Variants in CUL1 observed in about 807,000 individuals in gnomAD.
The protein encoded by CUL1 is cullin-1.
Under a neutral mutation model 118.0 loss-of-function variants are expected in CUL1, and 24 were observed. The observed-to-expected ratio is 0.20, with a 90% CI of 0.15 to 0.29. The LOEUF is 0.29. Ranked by LOEUF, CUL1 falls within the 10% of genes least tolerant of loss-of-function variation. The pLI is 1.00. For missense variants in CUL1, 361 were observed against 933.8 expected, an observed-to-expected ratio of 0.39 and a Z score of 7.99; for synonymous variants, 332 against 340.4, an observed-to-expected ratio of 0.98 and a Z score of 0.27.
At chr7:148,777,206 C>T (rs1446695961) in intron 9 of CUL1, among the ~76,000 whole-genome samples, 2 of 152,154 alleles carry the variant, frequency 1.3e-5, no homozygotes, top group African/African-American at 4.8e-5. Context: ...AGTTATGGTG[C>T]TGGGATCAGG....
chr7:148,797,395 CA>C (rs5888340), intron 17 of CUL1, among the ~76,000 whole-genome samples: 115 of 120,464 alleles, frequency 9.5e-4, no homozygotes, highest in South Asian at 3.6e-3. Context: ...ACATGATGCT[CA>C]AAAAAAAAAA....
chr7:148,782,278 A>G (rs1168862020), intron 9 of CUL1, among the ~76,000 whole-genome samples: 1 of 152,378 alleles, frequency 6.6e-6, no homozygotes, highest in Non-Finnish European at 1.5e-5. Flanking sequence ...GCAAGCTTAT[A>G]TGAAGTAAGA....
chr7:148,732,278 T>G (rs1300158358), intron 2 of CUL1, among the ~76,000 whole-genome samples: 1 of 152,050 alleles, frequency 6.6e-6, no homozygotes, highest in Middle Eastern at 3.2e-3. Flanking sequence ...TGTTGATCTG[T>G]GTCTGGAGAA....
intron 16 of CUL1, among the ~76,000 whole-genome samples, chr7:148,791,779 T>C (rs1801017350): frequency 6.6e-6 from 1 of 152,266 alleles, no homozygotes; most frequent in African/African-American, 2.4e-5. Context: ...GGGTCATTAC[T>C]TGTTGCTGTC....
intron 9 of CUL1, among the ~76,000 whole-genome samples, chr7:148,777,618 T>G (rs6943371): frequency 0.083 from 12,639 of 152,186 alleles, 651 homozygotes; most frequent in African/African-American, 0.13. Context: ...TGATGCGTAG[T>G]AAAGGGAAGA....
intron 8 of CUL1, among the ~76,000 whole-genome samples, chr7:148,767,144 C>T (rs907436870): frequency 2.6e-5 from 4 of 152,256 alleles, no homozygotes; most frequent in East Asian, 1.9e-4. Context: ...GCTGTATACA[C>T]GTCTTAAATC....
At chr7:148,763,649 G>C (rs974632833) in intron 7 of CUL1, among the ~76,000 whole-genome samples, 3 of 152,184 alleles carry the variant, frequency 2.0e-5, no homozygotes, top group Non-Finnish European at 2.9e-5. Context: ...AAGGTGCTTA[G>C]ATTGGTGTGT....
At chr7:148,768,040 A>G (rs944136911) in intron 9 of CUL1, among the ~76,000 whole-genome samples, 2 of 152,010 alleles carry the variant, frequency 1.3e-5, no homozygotes, top group Non-Finnish European at 2.9e-5. Flanking sequence ...CTGCTTCCCT[A>G]GAAACAAAAG....
At chr7:148,711,716 T>C (rs1432838107) in intron 1 of CUL1, among the ~76,000 whole-genome samples, 1 of 152,172 alleles carries the variant, frequency 6.6e-6, no homozygotes, top group African/African-American at 2.4e-5. Flanking sequence ...GATGAATAGA[T>C]TCATGTTCAC....
At chr7:148,797,170 T>C (rs980734579) in intron 17 of CUL1, among the ~76,000 whole-genome samples, 10 of 152,170 alleles carry the variant, frequency 6.6e-5, no homozygotes, top group Non-Finnish European at 1.3e-4. Flanking sequence ...TGAGCCCCAC[T>C]GTTCTCATGA....
intron 2 of CUL1, among the ~76,000 whole-genome samples, chr7:148,741,821 G>T (rs1799148702): frequency 1.3e-5 from 2 of 152,226 alleles, no homozygotes; most frequent in Admixed American, 1.3e-4. Context: ...TGATTCTCCT[G>T]CCTCAGCCCC....
intron 7 of CUL1, among the ~76,000 whole-genome samples, chr7:148,763,425 T>C (rs1162765370): frequency 1.3e-5 from 2 of 152,220 alleles, no homozygotes; most frequent in Non-Finnish European, 2.9e-5. Flanking sequence ...AATTTGACCA[T>C]GTAATTCTGC....
intron 2 of CUL1, among the ~76,000 whole-genome samples, chr7:148,747,610 C>A (rs1235951621): frequency 6.6e-6 from 1 of 152,098 alleles, no homozygotes; most frequent in East Asian, 1.9e-4. Context: ...AAATAATAAT[C>A]ATCGACCTAC....
intron 7 of CUL1, among the ~76,000 whole-genome samples, chr7:148,764,445 G>C (rs1425189863): frequency 6.6e-6 from 1 of 152,144 alleles, no homozygotes; most frequent in African/African-American, 2.4e-5. Flanking sequence ...TAATCACCTA[G>C]GCACCTGTTC....
At chr7:148,699,280 C>T (rs1585516054) in intron 1 of CUL1, among the ~76,000 whole-genome samples, 1 of 151,982 alleles carries the variant, frequency 6.6e-6, no homozygotes, top group Non-Finnish European at 1.5e-5. Flanking sequence ...CGGGCCGGGG[C>T]GGCCAGGCCT....
intron 2 of CUL1, among the ~76,000 whole-genome samples, chr7:148,749,117 T>C (rs540117970): frequency 6.6e-6 from 1 of 152,120 alleles, no homozygotes; most frequent in East Asian, 1.9e-4. Flanking sequence ...AGAAAAGGCA[T>C]ATGTAAGGAA....
chr7:148,736,787 A>T (rs1228540836), intron 2 of CUL1, among the ~76,000 whole-genome samples: 1 of 152,254 alleles, frequency 6.6e-6, no homozygotes, highest in Non-Finnish European at 1.5e-5. Context: ...TTAAAAACAC[A>T]ATGAAGACTG....
intron 1 of CUL1, among the ~76,000 whole-genome samples, chr7:148,715,068 T>C (rs1798171502): frequency 6.6e-6 from 1 of 152,192 alleles, no homozygotes; most frequent in South Asian, 2.1e-4. Flanking sequence ...ATGTTTGTCA[T>C]GTCTGTTCAT....
At position 148,787,165 on chromosome 7, in the gene CUL1, A is replaced by G; in HGVS notation, c.1479+45A>G. On this transcript the variant is annotated intron_variant, in intron 13 of 21. Coordinates refer to ENST00000325222, the MANE Select transcript of CUL1 (RefSeq NM_003592.3). The surrounding 1 kb of genome is among the most constrained non-coding windows in gnomAD (Gnocchi z 5.5). ...GAAAAATCCCAGCTTCTGAGTCATT[A>G]TTAAAACAGCTCTATGGCCGAGCGC... is the stretch of plus-strand genomic sequence containing the variant. 6.2e-7 allele frequency: 1 copy of G among 1,605,370 alleles called. No individual in the cohort carries two copies.
Sources: allele counts gnomAD v4.1 joint callset (sites outside exome capture counted in the v4.1 genomes callset), GRCh38; gene constraint gnomAD v4.1.1; non-coding constraint Gnocchi (gnomAD v3.1); transcripts MANE v1.5; gene names NCBI Gene and HGNC (gene_info 2026-07-23, HGNC 2026-07-21).